Variants in AKT3 observed in about 807,000 individuals in gnomAD.
AKT3 encodes RAC-gamma serine/threonine-protein kinase.
AKT3 carries 15 observed loss-of-function variants against 65.3 expected under a neutral mutation model. The observed-to-expected ratio is 0.23, with a 90% CI of 0.15 to 0.35. The LOEUF is 0.35. Ranked by LOEUF, AKT3 falls within the 10% of genes least tolerant of loss-of-function variation. The pLI is 1.00. For synonymous variants in AKT3, 206 were observed against 183.8 expected, an observed-to-expected ratio of 1.12 and a Z score of -0.98; for missense variants, 243 against 576.5, an observed-to-expected ratio of 0.42 and a Z score of 5.92.
intron 4 of AKT3, among the ~76,000 whole-genome samples, chr1:243,652,531 C>T (rs1044488279): frequency 1.3e-4 from 19 of 151,938 alleles, no homozygotes; most frequent in African/African-American, 4.1e-4. Flanking sequence ...TATGAAGAAA[C>T]TGCATCAACT....
chr1:243,723,463 G>A lies in AKT3; in HGVS notation c.47-27747C>T, dbSNP rs1687035457. Among the ~76,000 whole-genome samples the A allele has an allele frequency of 2.0e-5, 3 of 152,224 alleles. No homozygotes were observed. The South Asian group carries it at 6.2e-4, about 32-fold the overall frequency. On this transcript the variant is annotated intron_variant, in intron 2 of 13. Transcript: ENST00000673466. ...AAGAATGCAAGTTAAATGTTCTCTA[G>A]AAATTATAGATAATTCACTATGTCA...
intron 2 of AKT3, among the ~76,000 whole-genome samples, chr1:243,812,752 A>G (rs1693246587): frequency 6.6e-6 from 1 of 152,144 alleles, no homozygotes; most frequent in African/African-American, 2.4e-5. Flanking sequence ...TCACAATAGC[A>G]AAGACCTGGA....
intron 3 of AKT3, among the ~76,000 whole-genome samples, chr1:243,695,015 T>A (rs1020403529): frequency 6.6e-6 from 1 of 151,970 alleles, no homozygotes; most frequent in Non-Finnish European, 1.5e-5. Flanking sequence ...AACATAACAA[T>A]AATAATCATT....
intron 2 of AKT3, among the ~76,000 whole-genome samples, chr1:243,823,919 T>C (rs917949417): frequency 6.6e-6 from 1 of 152,138 alleles, no homozygotes. Flanking sequence ...TTAAAATTCA[T>C]ATGGAACCAA....
At chr1:243,709,587 T>C (rs1572208396) in intron 2 of AKT3, among the ~76,000 whole-genome samples, 1 of 152,078 alleles carries the variant, frequency 6.6e-6, no homozygotes, top group Non-Finnish European at 1.5e-5. Context: ...TATAATATCA[T>C]GGATATTTTA....
chr1:243,512,090 C>T (rs1436573902), intron 13 of AKT3, among the ~76,000 whole-genome samples: 1 of 152,188 alleles, frequency 6.6e-6, no homozygotes, highest in Non-Finnish European at 1.5e-5. Flanking sequence ...CAATTTCTCT[C>T]TATATAATTT....
chr1:243,710,015 T>G (rs571700116), intron 2 of AKT3, among the ~76,000 whole-genome samples: 3 of 152,152 alleles, frequency 2.0e-5, no homozygotes, highest in Non-Finnish European at 4.4e-5. Context: ...TTAAAAAATT[T>G]AAGCCAAAAC....
chr1:243,850,052 C>CGGCGGCGGT lies in AKT3; in HGVS notation c.-134_-126dup. Reference sequence around the variant, plus strand: ...CGGTGGCTGTTACCTGCAACGGCGGCGGCGGCGGTGGCGGCCCCGCAGCTG... The same window carrying CGGCGGCGGT: ...CGGTGGCTGTTACCTGCAACGGCGGCGGCGGCGGTGGCGGCGGTGGCGGCCCCGCAGCTG... On this transcript the variant is annotated 5_prime_UTR_variant, in exon 1 of 14. Coordinates refer to ENST00000673466, the MANE Select transcript of AKT3 (RefSeq NM_005465.7). The CGGCGGCGGT allele has an allele frequency of 1.0e-6, 1 of 964,314 alleles. No individual in the cohort carries two copies. The highest frequency in any genetic ancestry group is 1.2e-6 in the Non-Finnish European group (1 of 828,052). The allele number at this position is 964,314 out of a possible 1,614,324, so 59.7% of individuals were successfully genotyped here.
At position 243,584,540 on chromosome 1, in the gene AKT3, A is replaced by G. The variant is rs1001504675; in HGVS notation, c.697-11492T>C. On this transcript the variant is annotated intron_variant, in intron 8 of 13. Coordinates refer to ENST00000673466, the MANE Select transcript of AKT3 (RefSeq NM_005465.7). Reference sequence around the variant, plus strand: ...ATGAACACAGGTGCAAAAATCCTCAACAAAATACTAGCAAACTGAATTGAA... The same window carrying G: ...ATGAACACAGGTGCAAAAATCCTCAGCAAAATACTAGCAAACTGAATTGAA... Among the ~76,000 whole-genome samples the G allele has an allele frequency of 2.0e-5, 3 of 152,232 alleles. No homozygotes were observed. In the East Asian group the frequency reaches 5.8e-4, roughly 29 times the overall value.
intron 12 of AKT3, among the ~76,000 whole-genome samples, chr1:243,539,917 G>A (rs911177973): frequency 1.3e-5 from 2 of 152,098 alleles, no homozygotes; most frequent in African/African-American, 4.8e-5. Flanking sequence ...CAACAGCCCT[G>A]TAACTATTAA....
chr1:243,505,408 A>C (rs1669601885), intron 13 of AKT3, 74 bp from the exon 14 acceptor site: 1 of 1,325,574 alleles, frequency 7.5e-7, no homozygotes, highest in Admixed American at 1.8e-5. Flanking sequence ...TATGTTTTTT[A>C]AACTCTGAAC....
At chr1:243,553,343 A>G (rs1250507612) in intron 10 of AKT3, among the ~76,000 whole-genome samples, 1 of 152,216 alleles carries the variant, frequency 6.6e-6, no homozygotes, top group South Asian at 2.1e-4. Flanking sequence ...CTGATTATAG[A>G]GCACATAAAG....
chr1:243,725,933 C>T (rs1687180470), intron 2 of AKT3, among the ~76,000 whole-genome samples: 1 of 152,204 alleles, frequency 6.6e-6, no homozygotes, highest in Non-Finnish European at 1.5e-5. Context: ...TACACATTCA[C>T]TCATCTATCT....
intron 8 of AKT3, among the ~76,000 whole-genome samples, chr1:243,604,760 C>A (rs2148583082): frequency 6.6e-6 from 1 of 152,262 alleles, no homozygotes; most frequent in Non-Finnish European, 1.5e-5. Context: ...TCTATCTCCC[C>A]AGTAAGTCAC....
intron 2 of AKT3, among the ~76,000 whole-genome samples, chr1:243,781,969 C>T (rs1690943416): frequency 6.6e-6 from 1 of 152,136 alleles, no homozygotes; most frequent in East Asian, 1.9e-4. Flanking sequence ...ACTACAAGTG[C>T]ACACCATCAT....
chr1:243,715,955 GTT>G (rs2148093494), intron 2 of AKT3, among the ~76,000 whole-genome samples: 1 of 152,204 alleles, frequency 6.6e-6, no homozygotes, highest in East Asian at 1.9e-4. Flanking sequence ...CAGGAAAGGT[GTT>G]GTTACACCAT....
chr1:243,613,270 C>CTAT (rs1273910900), intron 8 of AKT3, among the ~76,000 whole-genome samples: 5 of 151,338 alleles, frequency 3.3e-5, no homozygotes. Flanking sequence ...TGCCCATGGA[C>CTAT]TATTGTTCCA....
intron 1 of AKT3, among the ~76,000 whole-genome samples, chr1:243,848,841 T>C (rs773770995): frequency 6.6e-6 from 1 of 152,258 alleles, no homozygotes. Context: ...ACTTCATCAA[T>C]TGCAAACTAC....
chr1:243,762,649 G>T (rs987178380), intron 2 of AKT3, among the ~76,000 whole-genome samples: 2 of 151,988 alleles, frequency 1.3e-5, no homozygotes, highest in Non-Finnish European at 2.9e-5. Context: ...TTAAAACATT[G>T]ACCTAAGCAC....
Sources: gnomAD v4.1 joint callset for allele counts (sites outside exome capture counted in the v4.1 genomes callset) on GRCh38, gnomAD v4.1.1 for gene constraint, MANE v1.5 for transcripts, NCBI Gene and HGNC (gene_info 2026-07-23, HGNC 2026-07-21) for gene names.